Variants in SV2C observed in about 807,000 individuals in gnomAD.
SV2C encodes the protein solute carrier family 22 member B3.
SV2C carries 49 observed loss-of-function variants against 79.7 expected under a neutral mutation model. The ratio of observed to expected loss-of-function variants is 0.61; its 90% confidence interval spans 0.49 to 0.78. SV2C has a LOEUF of 0.78. SV2C is among the 30% of genes least tolerant of loss of function. SV2C has a pLI of 0.00. For synonymous variants in SV2C, 334 were observed against 333.2 expected (o/e 1.00, Z -0.03); for missense variants, 833 against 912.9 (o/e 0.91, Z 1.13).
intron 2 of SV2C, among the ~76,000 whole-genome samples, chr5:76,153,450 T>C (rs1272119157): frequency 6.6e-6 from 1 of 152,204 alleles, no homozygotes; most frequent in East Asian, 1.9e-4. Context: ...TGGTTGTCTG[T>C]GTTTTGTGAC....
At chr5:76,056,172 A>T in the SV2C span, among the ~76,000 whole-genome samples, 1 of 152,288 alleles carries the variant, frequency 6.6e-6, no homozygotes, top group Non-Finnish European at 1.5e-5. Context: ...TGTTCCATCA[A>T]CACAGTTTAT....
chr5:75,937,682 C>T, the SV2C span, among the ~76,000 whole-genome samples: 433 of 152,198 alleles, frequency 2.8e-3, 14 homozygotes, highest in Admixed American at 0.024. Flanking sequence ...ACACTCCAGC[C>T]TGTGCAACAC....
chr5:76,184,493 G>C (rs1743848268), intron 2 of SV2C, among the ~76,000 whole-genome samples: 1 of 152,202 alleles, frequency 6.6e-6, no homozygotes, highest in Admixed American at 6.5e-5. Context: ...AAATAACTGA[G>C]ACTGAATAAT....
chr5:76,168,605 G>A (rs6453208), intron 2 of SV2C, among the ~76,000 whole-genome samples: 102,085 of 152,080 alleles, frequency 0.67, 35,052 homozygotes, highest in East Asian at 0.92. Context: ...CTTATGCCGC[G>A]TTGCTCTCTC....
intron 12 of SV2C, among the ~76,000 whole-genome samples, chr5:76,312,252 CTT>C (rs1554047212): frequency 7.2e-6 from 1 of 139,302 alleles, no homozygotes. Context: ...TCAGGGGCCA[CTT>C]TTTTTTTTTG....
At chr5:75,908,939 G>A in the SV2C span, among the ~76,000 whole-genome samples, 1 of 152,196 alleles carries the variant, frequency 6.6e-6, no homozygotes, top group East Asian at 1.9e-4. Flanking sequence ...ATGTCATTCA[G>A]TGTTAATGAT....
intron 2 of SV2C, among the ~76,000 whole-genome samples, chr5:76,191,735 T>C (rs772749578): frequency 2.4e-4 from 36 of 152,230 alleles, no homozygotes; most frequent in Non-Finnish European, 4.6e-4. Context: ...CTTTGTGTCA[T>C]CTTCTGAAAG....
intron 12 of SV2C, among the ~76,000 whole-genome samples, chr5:76,321,294 TA>T (rs1381053365): frequency 4.0e-5 from 5 of 124,286 alleles, no homozygotes. Flanking sequence ...ATTTCCCTCT[TA>T]GGGGGAAAAA....
intron 1 of SV2C, among the ~76,000 whole-genome samples, chr5:76,085,356 TA>T (rs1206290028): frequency 7.2e-5 from 11 of 152,268 alleles, no homozygotes; most frequent in Non-Finnish European, 2.9e-5. Flanking sequence ...AAATACGCGT[TA>T]AAAAACACTA....
At chr5:76,112,410 T>C (rs30249) in intron 1 of SV2C, among the ~76,000 whole-genome samples, 88,718 of 152,028 alleles carry the variant, frequency 0.58, 27,960 homozygotes, top group African/African-American at 0.83. Context: ...TGCAAAGGGC[T>C]GGAAGCAGGA....
At chr5:75,950,550 T>G in the SV2C span, among the ~76,000 whole-genome samples, 1 of 152,044 alleles carries the variant, frequency 6.6e-6, no homozygotes, top group Non-Finnish European at 1.5e-5. Context: ...GTAATGATAC[T>G]ACAATTGGTC....
intron 12 of SV2C, among the ~76,000 whole-genome samples, chr5:76,309,731 A>ATGTT (rs1366618281): frequency 2.0e-5 from 3 of 151,496 alleles, no homozygotes; most frequent in African/African-American, 4.8e-5. Context: ...GCTTGATTAG[A>ATGTT]TGTTAGGGGG....
intron 2 of SV2C, chr5:76,173,743 A>G: frequency 6.2e-7 from 1 of 1,612,634 alleles, no homozygotes; most frequent in Non-Finnish European, 8.5e-7. Flanking sequence ...TTGATTTTGC[A>G]GAAGATTCTA....
the SV2C span, among the ~76,000 whole-genome samples, chr5:76,045,223 A>T: frequency 1.3e-3 from 197 of 152,230 alleles, no homozygotes; most frequent in South Asian, 5.8e-3. Context: ...AGATGGTTTT[A>T]GATGTGTAGT....
At chr5:76,173,521 A>G in intron 2 of SV2C, 2 of 1,101,126 alleles carry the variant, frequency 1.8e-6, no homozygotes, top group Non-Finnish European at 2.8e-6. Flanking sequence ...CCACCACAGG[A>G]AAGTCCATTT....
At chr5:75,937,068 T>TA in the SV2C span, among the ~76,000 whole-genome samples, 86,535 of 152,022 alleles carry the variant, frequency 0.57, 25,545 homozygotes, top group African/African-American at 0.73. Flanking sequence ...TAAAGAAATC[T>TA]AAAAGATAGT....
At chr5:76,057,235 G>GT in the SV2C span, among the ~76,000 whole-genome samples, 11 of 150,860 alleles carry the variant, frequency 7.3e-5, no homozygotes, top group South Asian at 4.2e-4. Flanking sequence ...TAAGTTTTTT[G>GT]TTTTTTTTTA....
chr5:76,071,486 A>T, the SV2C span, among the ~76,000 whole-genome samples: 4 of 152,328 alleles, frequency 2.6e-5, no homozygotes, highest in South Asian at 6.2e-4. Flanking sequence ...AGATAGTTTT[A>T]AAAATATCTT....
chr5:75,858,273 T>C, the SV2C span, among the ~76,000 whole-genome samples: 3 of 152,328 alleles, frequency 2.0e-5, no homozygotes, highest in East Asian at 5.8e-4. Context: ...TTGAGGTATG[T>C]TCCTTCTATA....
Sources: gnomAD v4.1 joint callset for allele counts (sites outside exome capture counted in the v4.1 genomes callset) on GRCh38, gnomAD v4.1.1 for gene constraint, MANE v1.5 for transcripts, NCBI Gene and HGNC (gene_info 2026-07-23, HGNC 2026-07-21) for gene names.